FRYL: variants seen among roughly 807,000 people sequenced by gnomAD.
FRYL encodes protein furry homolog-like.
In FRYL, 150 loss-of-function variants were observed where a neutral mutation model predicts 351.2. The observed-to-expected ratio is 0.43, with a 90% CI of 0.37 to 0.49. The LOEUF is 0.49. Among genes scored for constraint, FRYL ranks in the 20% least tolerant of loss-of-function variants. The pLI, the probability that FRYL is intolerant of heterozygous loss-of-function variation, is 0.00. For missense variants in FRYL, 3,036 were observed against 3,619.3 expected (o/e 0.84, Z 4.13); for synonymous variants, 1,153 against 1,257.1 (o/e 0.92, Z 1.75).
In FRYL at chr4:48,609,059, C is replaced by A. The variant is rs773696950; in HGVS notation, c.500G>T (p.Gly167Val). 1.9e-6 allele frequency: 3 copies of A among 1,589,248 alleles called. No individual in the cohort carries two copies. In the South Asian group the frequency reaches 3.3e-5, roughly 18 times the overall value. ...AATATGCACATTCCCAGTGTTGGTT[C>A]CTGAATATCTAAAATAACAAAAGAA... ...KHFKHKEGYS[G>V]TNTGNVHIIA... The change falls in exon 9 of 64, where the codon GGA becomes GTA. Residue 167 changes from glycine (G) to valine (V), a missense_variant. By Grantham distance (109) the Gly-to-Val change is moderately radical (BLOSUM62 -3). This residue lies in a region of FRYL where 457 missense variants were observed against 566.6 expected (regional missense o/e 0.81). Transcript: ENST00000358350.
chr4:48,653,445 C>T (rs541747119), intron 3 of FRYL, among the ~76,000 whole-genome samples: 56 of 151,920 alleles, frequency 3.7e-4, no homozygotes, highest in Non-Finnish European at 7.8e-4. Context: ...TGACTAATTG[C>T]GAGAAACTTT....
At position 48,522,650 on chromosome 4, in the gene FRYL, C is replaced by T. The variant is rs927482998; in HGVS notation, c.7521+251G>A. Reference sequence around the variant, plus strand: ...TTATCACTGAAGGCCTCTAATAGGGCCCAAAACAACTCACTGTGACTAGGA... The same window carrying T: ...TTATCACTGAAGGCCTCTAATAGGGTCCAAAACAACTCACTGTGACTAGGA... On this transcript the variant is annotated intron_variant, in intron 54 of 63. Coordinates refer to ENST00000358350, the MANE Select transcript of FRYL (RefSeq NM_015030.2). Among the ~76,000 whole-genome samples, 4 of 152,124 alleles carry T rather than the reference C, an allele frequency of 2.6e-5. No homozygotes were observed. The South Asian group carries it at 6.2e-4, about 24-fold the overall frequency.
At chr4:48,674,736 CAAAAAAA>C (rs58696045) in intron 3 of FRYL, among the ~76,000 whole-genome samples, 5 of 55,772 alleles carry the variant, frequency 9.0e-5, no homozygotes, top group South Asian at 1.2e-3. Flanking sequence ...GACTCTGTCT[CAAAAAAA>C]AAAAAAAAAA....
chr4:48,650,482 T>C (rs949402337), intron 3 of FRYL, among the ~76,000 whole-genome samples: 6 of 152,214 alleles, frequency 3.9e-5, no homozygotes, highest in African/African-American at 9.6e-5. Context: ...AGAGAACAGA[T>C]GAAGCATTAA....
chr4:48,522,845 G>T, intron 54 of FRYL, 56 bp downstream of exon 54: 3 of 1,257,588 alleles, frequency 2.4e-6, no homozygotes, highest in Non-Finnish European at 3.5e-6. Context: ...TTAAGAAGTT[G>T]GAAGTTAAGA....
intron 18 of FRYL, among the ~76,000 whole-genome samples, chr4:48,588,174 C>T (rs1021484332): frequency 3.3e-5 from 5 of 152,122 alleles, no homozygotes; most frequent in African/African-American, 1.2e-4. Flanking sequence ...CTCCTGGTCT[C>T]CCAGGATAAC....
chr4:48,643,697 A>G (rs949564613), intron 3 of FRYL, among the ~76,000 whole-genome samples: 2 of 152,234 alleles, frequency 1.3e-5, no homozygotes, highest in African/African-American at 4.8e-5. Context: ...TTTATTAACT[A>G]GCAACAATCA....
At chr4:48,508,370 AG>A (rs1466317844) in intron 59 of FRYL, among the ~76,000 whole-genome samples, 3 of 152,198 alleles carry the variant, frequency 2.0e-5, no homozygotes, top group Non-Finnish European at 4.4e-5. Flanking sequence ...TACCATATTG[AG>A]TCTTCTAATT....
intron 62 of FRYL, 21 bp from the exon 63 acceptor site, chr4:48,500,241 A>AAG: frequency 6.7e-7 from 1 of 1,501,676 alleles, no homozygotes; most frequent in Non-Finnish European, 9.0e-7. Flanking sequence ...TACATCTTTA[A>AAG]GGATCTATTC....
At chr4:48,698,201 G>A (rs761421328) in intron 2 of FRYL, among the ~76,000 whole-genome samples, 2 of 152,184 alleles carry the variant, frequency 1.3e-5, no homozygotes, top group Non-Finnish European at 2.9e-5. Flanking sequence ...GTGGAGAAGG[G>A]AACAGGAAAG....
intron 16 of FRYL, among the ~76,000 whole-genome samples, chr4:48,591,871 A>G (rs1173789063): frequency 6.6e-6 from 1 of 151,756 alleles, no homozygotes; most frequent in Non-Finnish European, 1.5e-5. Flanking sequence ...CTCATGTTAG[A>G]CATGTTCAAA....
chr4:48,673,429 T>G (rs571977679), intron 3 of FRYL, among the ~76,000 whole-genome samples: 1 of 152,242 alleles, frequency 6.6e-6, no homozygotes, highest in East Asian at 1.9e-4. Flanking sequence ...CAGGCTGGAA[T>G]GCAGAGGCTA....
chr4:48,603,508 G>C, intron 11 of FRYL, 120 bp from the exon 12 acceptor site: 1 of 676,440 alleles, frequency 1.5e-6, no homozygotes, highest in Non-Finnish European at 2.6e-6. Context: ...GACTCTCACT[G>C]AAGTACTACA....
chr4:48,764,388 G>C (rs1212212042), intron 1 of FRYL, among the ~76,000 whole-genome samples: 9 of 151,740 alleles, frequency 5.9e-5, no homozygotes, highest in Non-Finnish European at 8.8e-5. Flanking sequence ...AAGGTTAGCC[G>C]GGTATGATGG....
At chr4:48,708,906 G>A (rs1301359458) in intron 2 of FRYL, among the ~76,000 whole-genome samples, 5 of 95,566 alleles carry the variant, frequency 5.2e-5, no homozygotes, top group Non-Finnish European at 8.6e-5. Context: ...AAAAGGTATC[G>A]TGTGTTTTTT....
At chr4:48,536,272 G>A (rs1345888084) in intron 47 of FRYL, among the ~76,000 whole-genome samples, 1 of 152,164 alleles carries the variant, frequency 6.6e-6, no homozygotes, top group Non-Finnish European at 1.5e-5. Flanking sequence ...TGTGCCCGGG[G>A]TATCTCAGTA....
At chr4:48,542,437 G>T (rs965772689) in intron 44 of FRYL, among the ~76,000 whole-genome samples, 11 of 152,228 alleles carry the variant, frequency 7.2e-5, no homozygotes, top group Non-Finnish European at 1.5e-4. Flanking sequence ...TTGTATTTGA[G>T]ACGTAGTCTT....
intron 1 of FRYL, among the ~76,000 whole-genome samples, chr4:48,761,036 TG>T (rs1774367826): frequency 6.6e-6 from 1 of 151,690 alleles, no homozygotes; most frequent in East Asian, 1.9e-4. Context: ...TGTGTGTGTG[TG>T]TGTGTGTGTG....
intron 1 of FRYL, among the ~76,000 whole-genome samples, chr4:48,757,706 C>G (rs1164757214): frequency 6.6e-6 from 1 of 152,174 alleles, no homozygotes; most frequent in African/African-American, 2.4e-5. Flanking sequence ...CATCAAGCTA[C>G]CAAAGACTTT....
Sources: allele counts gnomAD v4.1 joint callset (sites outside exome capture counted in the v4.1 genomes callset), GRCh38; gene constraint gnomAD v4.1.1; regional missense constraint gnomAD v4.1.1; transcripts MANE v1.5; gene names NCBI Gene and HGNC (gene_info 2026-07-23, HGNC 2026-07-21).